Variants in XRN1 observed in about 807,000 individuals in gnomAD.
XRN1 encodes 5'-3' exoribonuclease 1, also known as strand-exchange protein 1 homolog.
In XRN1, 67 loss-of-function variants were observed where a neutral mutation model predicts 222.3. The ratio of observed to expected loss-of-function variants is 0.30; its 90% CI spans 0.25 to 0.37. The LOEUF (loss-of-function observed/expected upper bound fraction) is 0.37. XRN1 is among the 10% of genes least tolerant of loss of function. The pLI, the probability that XRN1 is intolerant of heterozygous loss-of-function variation, is 1.00. For synonymous variants in XRN1, 643 were observed against 652.4 expected, an observed-to-expected ratio of 0.99 and a Z score of 0.22; for missense variants, 1,707 against 2,000.2, an observed-to-expected ratio of 0.85 and a Z score of 2.80.
At chr3:142,317,658 C>T (rs914207374) in intron 39 of XRN1, among the ~76,000 whole-genome samples, 2 of 152,136 alleles carry the variant, frequency 1.3e-5, no homozygotes, top group South Asian at 2.1e-4. Flanking sequence ...AGAGGGAAGA[C>T]GGGGGTAGTC....
chr3:142,383,015 C>A (rs1354377748), intron 22 of XRN1, among the ~76,000 whole-genome samples: 3 of 147,194 alleles, frequency 2.0e-5, no homozygotes, highest in Non-Finnish European at 4.5e-5. Flanking sequence ...AAAATCGTTT[C>A]ATCCATACCA....
Position 142,422,828 on chromosome 3 carries a change from T to TG in XRN1, c.798+6_798+7insC, listed in dbSNP as rs1559871487. Reference sequence around the variant, plus strand: ...AATCCTTGGTCCATGGCTTTATTAATACTTACTTTTAATACTGAAAACTCA... The same window carrying TG: ...AATCCTTGGTCCATGGCTTTATTAATGACTTACTTTTAATACTGAAAACTCA... On this transcript the variant is annotated splice_region_variant and intron_variant, in intron 7 of 40. Transcript: ENST00000392981. The TG allele has an allele frequency of 6.2e-7, 1 of 1,602,678 alleles. No individual in the cohort carries two copies. Among genetic ancestry groups the TG allele is most frequent in the Non-Finnish European group, 8.5e-7 (1 of 1,172,164 alleles).
At chr3:142,351,332 A>G (rs1257848994) in intron 32 of XRN1, among the ~76,000 whole-genome samples, 2 of 152,172 alleles carry the variant, frequency 1.3e-5, no homozygotes, top group African/African-American at 2.4e-5. Context: ...TATTCCAATG[A>G]CAAGTGAAGA....
rs1038640960 is a variant in XRN1 at position 142,308,121 on chromosome 3, A to G, written c.*3390T>C. The G allele has an allele frequency of 6.6e-6, 1 of 152,212 alleles. No individual in the cohort carries two copies. The highest frequency in any genetic ancestry group is 1.5e-5 in the Non-Finnish European group (1 of 68,034). 9.4% of individuals were successfully genotyped at this position (152,212 alleles called of 1,614,324 possible). On this transcript the variant is annotated 3_prime_UTR_variant, in exon 41 of 41. Coordinates refer to ENST00000392981, the MANE Select transcript of XRN1 (RefSeq NM_001282857.2). ...CTCATATAATAAAAGTAAAAATTAG[A>G]CAACCACTATAAACAGTTATGACTA...
chr3:142,317,782 C>T (rs901735582), intron 39 of XRN1, among the ~76,000 whole-genome samples: 21 of 152,108 alleles, frequency 1.4e-4, no homozygotes, highest in South Asian at 6.2e-4. Flanking sequence ...TTGGGAACGG[C>T]GAGGGACAAT....
chr3:142,402,785 C>T (rs2068192784), intron 18 of XRN1, among the ~76,000 whole-genome samples: 1 of 152,228 alleles, frequency 6.6e-6, no homozygotes, highest in South Asian at 2.1e-4. Context: ...CTTTTCTAGT[C>T]CAGTAAATTA....
At chr3:142,384,253 C>G (rs113646890) in intron 21 of XRN1, among the ~76,000 whole-genome samples, 2 of 131,310 alleles carry the variant, frequency 1.5e-5, no homozygotes, top group African/African-American at 6.0e-5. Flanking sequence ...GCCCGGGCAA[C>G]AGAGCGAGAC....
chr3:142,380,680 G>T (rs2067276209), intron 22 of XRN1, among the ~76,000 whole-genome samples: 2 of 151,810 alleles, frequency 1.3e-5, no homozygotes, highest in African/African-American at 4.8e-5. Context: ...TGGCAACAGG[G>T]TCTTGCTCTG....
chr3:142,388,442 GTATGTGCATTTTTTTTACTGTATT>G (rs1323314174), intron 20 of XRN1, among the ~76,000 whole-genome samples: 31 of 152,274 alleles, frequency 2.0e-4, no homozygotes, highest in Non-Finnish European at 3.2e-4. Context: ...GTCAAAAGTT[GTATGTGCATTTTTTTTACTGTATT>G]GGGGGTCAGC....
intron 20 of XRN1, among the ~76,000 whole-genome samples, chr3:142,393,653 C>T (rs1027613613): frequency 2.6e-5 from 4 of 152,172 alleles, no homozygotes; most frequent in Non-Finnish European, 5.9e-5. Context: ...CGTAAGCCAG[C>T]AATTTCTATG....
In XRN1 at chr3:142,414,640, C is replaced by T. The variant is rs1375383216; in HGVS notation, c.1437-349G>A. Among the ~76,000 whole-genome samples the T allele has an allele frequency of 4.6e-5, 7 of 152,090 alleles. No homozygotes were observed. In the East Asian group the frequency reaches 5.8e-4, roughly 13 times the overall value. On this transcript the variant is annotated intron_variant, in intron 13 of 40. Transcript: ENST00000392981. ...CCTCCCAAATAGCTGGGACTACAGG[C>T]GCCTGCCACTATGCCAGGCTAATTT... is the stretch of plus-strand genomic sequence containing the variant.
At position 142,370,611 on chromosome 3, in the gene XRN1, T is replaced by A; in HGVS notation, c.3078A>T (p.Lys1026Asn). ...WPGENENGAE[K>N]VQEIITWLKG... ...TTAGCCAAGTAATAATTTCTTGAAC[T>A]TTTTCAGCACTAAAGCAAAAACAAT... Residue 1026 changes from lysine to asparagine, a missense_variant, in exon 27 of 41, where the codon AAA becomes AAT. Physicochemically the swap from Lys to Asn is moderately conservative, Grantham distance 94 (BLOSUM62 0). Around this residue, in one of 2 missense-constraint regions of XRN1, gnomAD observed 1,234 missense variants for 1,518.2 expected, o/e 0.81. Transcript: ENST00000392981. The A allele has an allele frequency of 1.3e-6, 2 of 1,582,132 alleles. No homozygotes were observed. Among genetic ancestry groups the A allele is most frequent in the Non-Finnish European group, 8.5e-7 (1 of 1,169,810 alleles).
chr3:142,398,790 C>G (rs1401184655), intron 19 of XRN1, among the ~76,000 whole-genome samples: 1 of 152,062 alleles, frequency 6.6e-6, no homozygotes, highest in Admixed American at 6.6e-5. Context: ...AAGGAAACAA[C>G]AGAGTAAATC....
chr3:142,384,686 C>A lies in XRN1; in HGVS notation c.2340-1G>T. ...TATTATTCCTTTTCTTCTCAGGTAG[C>A]TAAAATAAAGAATAAACATGAAATA... On this transcript the variant is annotated splice_acceptor_variant, in intron 20 of 40. Coordinates refer to ENST00000392981, the MANE Select transcript of XRN1 (RefSeq NM_001282857.2). LOFTEE classifies it high-confidence loss of function. The A allele has an allele frequency of 6.3e-7, 1 of 1,577,006 alleles. No homozygotes were observed. The highest frequency in any genetic ancestry group is 8.6e-7 in the Non-Finnish European group (1 of 1,162,864).
chr3:142,344,351 A>G (rs770045429), intron 33 of XRN1, among the ~76,000 whole-genome samples: 1 of 152,172 alleles, frequency 6.6e-6, no homozygotes, highest in Admixed American at 6.5e-5. Context: ...ATAAATATAT[A>G]TACCTACTAT....
chr3:142,398,017 G>A (rs74778193), intron 19 of XRN1, among the ~76,000 whole-genome samples: 16 of 152,084 alleles, frequency 1.1e-4, no homozygotes, highest in African/African-American at 3.9e-4. Context: ...TGAGATGTGA[G>A]GATTACTTGA....
At position 142,335,463 on chromosome 3, in the gene XRN1, T is replaced by A. The variant is rs1027295259; in HGVS notation, c.3924A>T (p.Lys1308Asn). Reference sequence around the variant, plus strand: ...GGAAGCTTACCTGCTTATTGGACATTTTTTGGGACCAACACTCAGCTTTAG... The same window carrying A: ...GGAAGCTTACCTGCTTATTGGACATATTTTGGGACCAACACTCAGCTTTAG... ...KSPKAECWSQ[K>N]MSNKQPNSGI... Residue 1308 changes from lysine (K) to asparagine (N), a missense_variant, in exon 34 of 41, where the codon AAA (lysine) becomes AAT (asparagine). By Grantham distance (94) the Lys-to-Asn change is moderately conservative. Transcript: ENST00000392981. 2 of 1,613,946 alleles carry A rather than the reference T, an allele frequency of 1.2e-6. No individual in the cohort carries two copies. Among genetic ancestry groups the A allele is most frequent in the Admixed American group, 3.3e-5 (2 of 60,006 alleles).
At chr3:142,318,542 G>T in intron 39 of XRN1, 50 bp downstream of exon 39, 1 of 1,469,468 alleles carries the variant, frequency 6.8e-7, no homozygotes, top group Non-Finnish European at 9.3e-7. Flanking sequence ...AAAGAGCTTA[G>T]TAAAAATAAC....
chr3:142,418,145 C>T (rs375093391), intron 12 of XRN1: 11 of 200,554 alleles, frequency 5.5e-5, no homozygotes, highest in South Asian at 2.2e-4. Context: ...CTGCAGATTC[C>T]GGAGATGGAA....
Sources: gnomAD v4.1 joint callset for allele counts (sites outside exome capture counted in the v4.1 genomes callset) on GRCh38, gnomAD v4.1.1 for gene constraint, gnomAD v4.1.1 regional missense constraint, MANE v1.5 for transcripts, NCBI Gene and HGNC (gene_info 2026-07-23, HGNC 2026-07-21) for gene names.